The following PDK3 variants were observed in gnomAD, a reference collection of about 807,000 sequenced individuals.
PDK3 encodes pyruvate dehydrogenase kinase 3.
Under a neutral mutation model 32.0 loss-of-function variants are expected in PDK3, and 12 were observed. The ratio of observed to expected loss-of-function variants is 0.37; its 90% CI spans 0.24 to 0.61. The LOEUF (loss-of-function observed/expected upper bound fraction) is 0.61, where lower values mean the gene tolerates loss of function less well. PDK3 is among the 20% of genes least tolerant of loss of function. The probability of loss-of-function intolerance (pLI) is 0.65; values close to 1 mark genes in which losing one functional copy is unlikely to be tolerated. For synonymous variants in PDK3, 122 were observed against 116.3 expected (o/e 1.05, Z -0.31); for missense variants, 188 against 316.9 (o/e 0.59, Z 3.09).
At chrX:24,516,798 CTT>C (rs568709962) in intron 5 of PDK3, among the ~76,000 whole-genome samples, 4 of 99,602 alleles carry the variant, frequency 4.0e-5, no homozygotes, top group Admixed American at 1.1e-4. Flanking sequence ...GTTGTATGTA[CTT>C]TTTTTTTTTT....
intron 3 of PDK3, among the ~76,000 whole-genome samples, chrX:24,500,915 T>C (rs533602008): frequency 2.7e-5 from 3 of 111,950 alleles, no homozygotes; most frequent in Non-Finnish European, 5.6e-5. Context: ...TCTACTATAA[T>C]GAATCGTTTC....
intron 1 of PDK3, among the ~76,000 whole-genome samples, chrX:24,477,763 T>C (rs1921147412): frequency 8.9e-6 from 1 of 111,819 alleles, no homozygotes; most frequent in Non-Finnish European, 1.9e-5. Flanking sequence ...CCTGTTCTGC[T>C]GTCAAGTTGC....
At chrX:24,504,826 T>A in intron 4 of PDK3, among the ~76,000 whole-genome samples, 1 of 112,048 alleles carries the variant, frequency 8.9e-6, no homozygotes, top group Non-Finnish European at 1.9e-5. Flanking sequence ...AGACCACATG[T>A]TCTAAATATT....
At position 24,526,128 on chromosome X, in the gene PDK3, T is replaced by C; in HGVS notation, c.674-70T>C. 12 of 794,922 alleles carry C rather than the reference T, an allele frequency of 1.5e-5. No individual in the cohort carries two copies. In the South Asian group the frequency reaches 2.4e-4, roughly 16 times the overall value. The allele number at this position is 794,922 out of a possible 1,213,427, so 65.5% of individuals were successfully genotyped here. Reference sequence around the variant, plus strand: ...TGTTTTACACACTTGGAAAATAGAATGCAAACATCATTCTTGAATTTCTCC... The same window carrying C: ...TGTTTTACACACTTGGAAAATAGAACGCAAACATCATTCTTGAATTTCTCC... On this transcript the variant is annotated intron_variant, in intron 6 of 10. Coordinates refer to ENST00000379162, the MANE Select transcript of PDK3 (RefSeq NM_005391.5).
At chrX:24,465,613 C>A in intron 1 of PDK3, 52 bp downstream of exon 1, 1 of 921,792 alleles carries the variant, frequency 1.1e-6, no homozygotes, top group Non-Finnish European at 1.6e-6. Context: ...GCCATTCGGG[C>A]TGCCACCCCG....
At chrX:24,509,580 A>G (rs989726765) in intron 5 of PDK3, among the ~76,000 whole-genome samples, 10 of 111,224 alleles carry the variant, frequency 9.0e-5, no homozygotes, top group Non-Finnish European at 1.7e-4. Context: ...GTAAGCAGGA[A>G]GGACTGGCAT....
At chrX:24,468,365 T>C (rs1940082272) in intron 1 of PDK3, among the ~76,000 whole-genome samples, 1 of 111,658 alleles carries the variant, frequency 9.0e-6, no homozygotes, top group South Asian at 3.8e-4. Flanking sequence ...ACCCACTAGA[T>C]GCCATGAGCA....
At chrX:24,478,166 C>T (rs778009089) in intron 1 of PDK3, among the ~76,000 whole-genome samples, 28 of 111,377 alleles carry the variant, frequency 2.5e-4, no homozygotes, top group Non-Finnish European at 2.6e-4. Flanking sequence ...GCATTGAGGC[C>T]GGGCATGGTG....
chrX:24,548,748 A>G (rs1923044584), exon 12 of PDK3: 1 of 112,284 alleles, frequency 8.9e-6, no homozygotes, highest in South Asian at 3.7e-4. Context: ...AGAAATCTTA[A>G]CATCCAATTC....
Position 24,506,257 on chromosome X carries a change from A to C in PDK3, c.595+959A>C, listed in dbSNP as rs146068618. 5.0e-3 allele frequency among the ~76,000 whole-genome samples: 559 copies of C among 111,865 alleles called. 4 individuals carry two copies. Among genetic ancestry groups the C allele is most frequent in the African/African-American group, 0.017 (526 of 30,794 alleles). ...TCACATTATTTCAGTTGTAAGGTGA[A>C]TCAGCCCAGCCTCAGCTCTAGGAAT... On this transcript the variant is annotated intron_variant, in intron 5 of 10. Transcript: ENST00000379162.
chrX:24,525,623 T>C (rs781577832), intron 6 of PDK3, among the ~76,000 whole-genome samples: 6 of 111,931 alleles, frequency 5.4e-5, no homozygotes, highest in Non-Finnish European at 1.1e-4. Context: ...CAGATTGTCT[T>C]CAGATGACCC....
chrX:24,494,175 G>A (rs771483228), intron 1 of PDK3, among the ~76,000 whole-genome samples: 26 of 111,827 alleles, frequency 2.3e-4, no homozygotes, highest in Middle Eastern at 4.7e-3. Flanking sequence ...TGTTTCTCTG[G>A]CACATGCCAA....
intron 5 of PDK3, among the ~76,000 whole-genome samples, chrX:24,517,744 C>T (rs1922293046): frequency 8.9e-6 from 1 of 112,391 alleles, no homozygotes; most frequent in African/African-American, 3.2e-5. Flanking sequence ...TGTAATGGCT[C>T]TTATCTTCTT....
chrX:24,476,565 C>T (rs911239270), intron 1 of PDK3, among the ~76,000 whole-genome samples: 2 of 111,127 alleles, frequency 1.8e-5, no homozygotes, highest in African/African-American at 6.6e-5. Context: ...CAAAATTGAG[C>T]GGAAGTACAG....
chrX:24,520,088 G>A (rs143935316), intron 6 of PDK3, among the ~76,000 whole-genome samples: 3,063 of 111,701 alleles, frequency 0.027, 63 homozygotes, highest in South Asian at 0.21. Context: ...AGCTACTTGG[G>A]AGACTGAGGC....
chrX:24,473,672 G>A (rs1921032821), intron 1 of PDK3, among the ~76,000 whole-genome samples: 1 of 110,189 alleles, frequency 9.1e-6, no homozygotes, highest in Non-Finnish European at 1.9e-5. Flanking sequence ...CCTGACCTTA[G>A]GTGATCTACC....
chrX:24,526,665 C>G (rs745362034), intron 7 of PDK3, among the ~76,000 whole-genome samples: 14 of 112,102 alleles, frequency 1.2e-4, no homozygotes, highest in South Asian at 1.1e-3. Context: ...ATTAACCACA[C>G]TGGTACATTA....
chrX:24,539,199 G>C (rs746373355), downstream of PDK3: 11 of 1,013,467 alleles, frequency 1.1e-5, no homozygotes, highest in African/African-American at 2.1e-4. Context: ...TGTGAAGAAA[G>C]ATTGCCTTCT....
chrX:24,499,745 G>A (rs1921805690), intron 3 of PDK3, among the ~76,000 whole-genome samples: 1 of 112,214 alleles, frequency 8.9e-6, no homozygotes, highest in Admixed American at 9.5e-5. Flanking sequence ...CCAAGATTGT[G>A]ACCGTTCATA....
Sources: gnomAD v4.1 joint callset for allele counts (sites outside exome capture counted in the v4.1 genomes callset) on GRCh38, gnomAD v4.1.1 for gene constraint, MANE v1.5 for transcripts, NCBI Gene and HGNC (gene_info 2026-07-23, HGNC 2026-07-21) for gene names.